SGMS1: variants seen among roughly 807,000 people sequenced by gnomAD.
SGMS1 encodes the protein phosphatidylcholine:ceramide cholinephosphotransferase 1.
SGMS1 carries 13 observed loss-of-function variants against 46.2 expected under a neutral mutation model. That is an observed-to-expected ratio of 0.28 (90% confidence interval 0.18 to 0.45). The LOEUF (loss-of-function observed/expected upper bound fraction) is 0.45, where lower values mean the gene tolerates loss of function less well. SGMS1 is among the 20% of genes least tolerant of loss of function. The pLI is 1.00. For missense variants in SGMS1, 324 were observed against 519.9 expected, an observed-to-expected ratio of 0.62 and a Z score of 3.66; for synonymous variants, 203 against 187.8, an observed-to-expected ratio of 1.08 and a Z score of -0.66.
At chr10:50,378,550 T>C (rs1186321273) in intron 6 of SGMS1, among the ~76,000 whole-genome samples, 1 of 152,164 alleles carries the variant, frequency 6.6e-6, no homozygotes, top group African/African-American at 2.4e-5. Flanking sequence ...ATTTAAAATG[T>C]TTTCAGAACC....
chr10:50,321,077 T>C (rs1564873445), intron 8 of SGMS1, among the ~76,000 whole-genome samples: 1 of 152,256 alleles, frequency 6.6e-6, no homozygotes, highest in Non-Finnish European at 1.5e-5. Flanking sequence ...GCTTCTTGAC[T>C]ATCAAATGAA....
At chr10:50,327,971 GA>G in intron 7 of SGMS1, 2 of 289,032 alleles carry the variant, frequency 6.9e-6, no homozygotes, top group Non-Finnish European at 1.3e-5. Flanking sequence ...AATGATGTCT[GA>G]AAAATTCCTA....
At chr10:50,407,545 A>G (rs1237304857) in intron 6 of SGMS1, among the ~76,000 whole-genome samples, 1 of 151,894 alleles carries the variant, frequency 6.6e-6, no homozygotes, top group Non-Finnish European at 1.5e-5. Context: ...GCCTCCTCCA[A>G]TTGTCCCTTC....
chr10:50,506,326 T>C (rs1326351969), intron 3 of SGMS1, among the ~76,000 whole-genome samples: 2 of 152,216 alleles, frequency 1.3e-5, no homozygotes, highest in East Asian at 3.8e-4. Flanking sequence ...TTTGCATCTC[T>C]AGTGCCTGAA....
intron 5 of SGMS1, among the ~76,000 whole-genome samples, chr10:50,455,899 C>A (rs895666023): frequency 4.6e-5 from 7 of 152,120 alleles, no homozygotes; most frequent in African/African-American, 1.4e-4. Context: ...TACTTTCTAC[C>A]ACCAATGCTT....
intron 3 of SGMS1, among the ~76,000 whole-genome samples, chr10:50,494,961 G>A (rs1292886165): frequency 3.5e-5 from 5 of 142,844 alleles, no homozygotes; most frequent in East Asian, 2.1e-4. Context: ...GCGTGAACCC[G>A]GGAGGCGGAG....
intron 1 of SGMS1, among the ~76,000 whole-genome samples, chr10:50,620,430 A>G (rs528396241): frequency 1.3e-5 from 2 of 152,376 alleles, no homozygotes; most frequent in East Asian, 1.9e-4. Context: ...ATAGCCATCT[A>G]TAACATGTTA....
chr10:50,369,298 G>C (rs1452769525), intron 6 of SGMS1, among the ~76,000 whole-genome samples: 2 of 152,302 alleles, frequency 1.3e-5, no homozygotes, highest in South Asian at 2.1e-4. Context: ...ACGAGTTCAA[G>C]ACCAGCCTGG....
intron 1 of SGMS1, among the ~76,000 whole-genome samples, chr10:50,608,789 T>C (rs1248176100): frequency 6.6e-6 from 1 of 152,088 alleles, no homozygotes; most frequent in Non-Finnish European, 1.5e-5. Flanking sequence ...CAATCACCCC[T>C]CAGTAACTCA....
intron 3 of SGMS1, among the ~76,000 whole-genome samples, chr10:50,489,707 G>A (rs1401221610): frequency 6.6e-6 from 1 of 152,212 alleles, no homozygotes; most frequent in East Asian, 1.9e-4. Flanking sequence ...TGGGCACGGT[G>A]GCTCACGCCT....
intron 3 of SGMS1, among the ~76,000 whole-genome samples, chr10:50,487,569 C>T (rs895352969): frequency 6.6e-6 from 1 of 152,092 alleles, no homozygotes; most frequent in African/African-American, 2.4e-5. Flanking sequence ...ATTTTGTACA[C>T]GTTTTTTATG....
intron 1 of SGMS1, among the ~76,000 whole-genome samples, chr10:50,615,243 C>G (rs552938620): frequency 6.6e-6 from 1 of 152,300 alleles, no homozygotes; most frequent in African/African-American, 2.4e-5. Context: ...AGCCTCCAAC[C>G]AGGTCTTTCC....
At chr10:50,368,232 A>G (rs1401088616) in intron 6 of SGMS1, among the ~76,000 whole-genome samples, 1 of 152,262 alleles carries the variant, frequency 6.6e-6, no homozygotes, top group African/African-American at 2.4e-5. Flanking sequence ...ATACAAGACC[A>G]TATCTAGGAC....
intron 6 of SGMS1, among the ~76,000 whole-genome samples, chr10:50,386,767 A>C (rs1167069101): frequency 2.0e-5 from 3 of 152,030 alleles, no homozygotes; most frequent in Admixed American, 6.6e-5. Context: ...CCCCTGCCCC[A>C]CCTGTGAGAT....
chr10:50,573,737 C>A (rs908920172), intron 2 of SGMS1, among the ~76,000 whole-genome samples: 1 of 152,028 alleles, frequency 6.6e-6, no homozygotes, highest in African/African-American at 2.4e-5. Flanking sequence ...AAACAAAGAA[C>A]AAAGCTGGAA....
At position 50,515,894 on chromosome 10, in the gene SGMS1, C is replaced by T. The variant is rs146018205; in HGVS notation, c.-498+3937G>A. 1.1e-3 allele frequency among the ~76,000 whole-genome samples: 160 copies of T among 152,286 alleles called. 1 individual carries two copies. In the East Asian group the frequency reaches 0.02, roughly 19 times the overall value. On this transcript the variant is annotated intron_variant, in intron 3 of 10. Coordinates refer to ENST00000361781, the MANE Select transcript of SGMS1 (RefSeq NM_147156.4). The stretch of plus-strand genomic sequence containing the variant: ...TTATTTTTCAAATGAAAGTATAGAG[C>T]CAATACCAGGCAATTCCTCAAAGAA...
intron 6 of SGMS1, among the ~76,000 whole-genome samples, chr10:50,426,042 T>C (rs1297547276): frequency 6.6e-6 from 1 of 152,190 alleles, no homozygotes; most frequent in Non-Finnish European, 1.5e-5. Flanking sequence ...AAAATAGATA[T>C]GATATCATAA....
intron 1 of SGMS1, among the ~76,000 whole-genome samples, chr10:50,604,500 C>G (rs933949558): frequency 1.8e-4 from 28 of 152,216 alleles, no homozygotes; most frequent in African/African-American, 6.8e-4. Context: ...GCTCACTGCA[C>G]TTGAAATTTT....
At chr10:50,583,746 GT>G (rs1838455828) in intron 2 of SGMS1, among the ~76,000 whole-genome samples, 1 of 152,154 alleles carries the variant, frequency 6.6e-6, no homozygotes, top group African/African-American at 2.4e-5. Context: ...TTTGAAATGA[GT>G]TTTCTGTCAC....
Sources: gnomAD v4.1 joint callset for allele counts (sites outside exome capture counted in the v4.1 genomes callset) on GRCh38, gnomAD v4.1.1 for gene constraint, MANE v1.5 for transcripts, NCBI Gene and HGNC (gene_info 2026-07-23, HGNC 2026-07-21) for gene names.